The following NCAM1 variants were observed in gnomAD, a reference collection of about 807,000 sequenced individuals.
NCAM1 encodes the protein neural cell adhesion molecule 1.
A neutral mutation model predicts 109.8 loss-of-function variants in NCAM1; 14 were observed. The ratio of observed to expected loss-of-function variants is 0.13; its 90% CI spans 0.08 to 0.20. The LOEUF is 0.20. NCAM1 is among the 10% of genes least tolerant of loss of function. The pLI is 1.00. For missense variants in NCAM1, 774 were observed against 1,109.9 expected, an observed-to-expected ratio of 0.70 and a Z score of 4.30; for synonymous variants, 418 against 442.9, an observed-to-expected ratio of 0.94 and a Z score of 0.70.
At chr11:113,077,498 G>A (rs1306457623) in intron 1 of NCAM1, among the ~76,000 whole-genome samples, 1 of 152,106 alleles carries the variant, frequency 6.6e-6, no homozygotes, top group Non-Finnish European at 1.5e-5. Context: ...AGCCTGCTTT[G>A]TCATGTTCAT....
At position 113,130,573 on chromosome 11, in the gene NCAM1, C is replaced by T. The variant is rs369703094; in HGVS notation, c.53-71806C>T. The T allele has an allele frequency of 2.0e-5, 3 of 152,328 alleles. 1 individual carries two copies. The highest frequency in any genetic ancestry group is 1.9e-4 in the East Asian group (1 of 5,184). 9.4% of individuals were successfully genotyped at this position (152,328 alleles called of 1,614,324 possible). ...TTGGATACAAATAATAGGCTGAATT[C>T]TGCCCAATGACTGGGCTGTAGATAC... On this transcript the variant is annotated intron_variant, in intron 1 of 19. Transcript: ENST00000316851.
chr11:113,183,233 T>A (rs1438344270), intron 1 of NCAM1, among the ~76,000 whole-genome samples: 2 of 152,114 alleles, frequency 1.3e-5, no homozygotes, highest in African/African-American at 4.8e-5. Flanking sequence ...TTTATACTAA[T>A]TCTACAGCTG....
intron 1 of NCAM1, among the ~76,000 whole-genome samples, chr11:113,114,899 C>T (rs1279367342): frequency 2.0e-5 from 3 of 152,092 alleles, no homozygotes; most frequent in Non-Finnish European, 2.9e-5. Flanking sequence ...TAAATTAAGA[C>T]GAGCTCTCCT....
At chr11:113,262,956 AAAGCCC>A in intron 17 of NCAM1, 1 of 1,605,778 alleles carries the variant, frequency 6.2e-7, no homozygotes, top group Non-Finnish European at 8.5e-7. Flanking sequence ...AATTTGCTTA[AAAGCCC>A]AGTTCCTATG....
intron 1 of NCAM1, among the ~76,000 whole-genome samples, chr11:113,138,786 A>G (rs2136181922): frequency 6.6e-6 from 1 of 152,326 alleles, no homozygotes; most frequent in Non-Finnish European, 1.5e-5. Context: ...CACACTTTGG[A>G]AATCTCTGTG....
chr11:113,239,725 G>A (rs370209761), intron 14 of NCAM1, among the ~76,000 whole-genome samples: 8 of 152,134 alleles, frequency 5.3e-5, no homozygotes, highest in African/African-American at 1.9e-4. Flanking sequence ...GCTAAACAAA[G>A]AAAAGAGAGG....
intron 1 of NCAM1, among the ~76,000 whole-genome samples, chr11:113,176,858 C>T (rs1007395385): frequency 6.6e-6 from 1 of 152,142 alleles, no homozygotes; most frequent in East Asian, 1.9e-4. Context: ...AAATACACCA[C>T]TTGTTTCCCA....
intron 19 of NCAM1, among the ~76,000 whole-genome samples, 184 bp from the exon 20 acceptor site, chr11:113,275,083 C>T (rs529375327): frequency 3.3e-5 from 5 of 152,264 alleles, no homozygotes; most frequent in African/African-American, 9.6e-5. Context: ...TCAGGATTTC[C>T]GCGAACACAG....
At chr11:113,189,965 G>A (rs370601640) in intron 1 of NCAM1, among the ~76,000 whole-genome samples, 22 of 151,876 alleles carry the variant, frequency 1.4e-4, no homozygotes, top group South Asian at 2.1e-4. Flanking sequence ...TTTGGATGTA[G>A]CATTATTCTG....
intron 17 of NCAM1, chr11:113,262,850 C>G: frequency 6.2e-7 from 1 of 1,613,824 alleles, no homozygotes; most frequent in South Asian, 1.1e-5. Context: ...CTGCAGCAAC[C>G]TTGGGAGGCA....
At chr11:113,092,489 A>G (rs544520334) in intron 1 of NCAM1, among the ~76,000 whole-genome samples, 6 of 152,274 alleles carry the variant, frequency 3.9e-5, no homozygotes, top group Non-Finnish European at 5.9e-5. Context: ...ACTGAGTCAC[A>G]GGGAGGTTAA....
chr11:113,171,460 C>A (rs550676743), intron 1 of NCAM1, among the ~76,000 whole-genome samples: 2 of 152,162 alleles, frequency 1.3e-5, no homozygotes, highest in South Asian at 4.2e-4. Flanking sequence ...GGCGAAACCC[C>A]GTTTCTACTA....
At chr11:112,996,110 T>C (rs550305740) in intron 1 of NCAM1, among the ~76,000 whole-genome samples, 2 of 152,324 alleles carry the variant, frequency 1.3e-5, no homozygotes, top group South Asian at 4.1e-4. Flanking sequence ...ATATAATTCA[T>C]TTAAATCTCT....
chr11:113,154,605 C>T (rs1449609470), intron 1 of NCAM1, among the ~76,000 whole-genome samples: 1 of 152,122 alleles, frequency 6.6e-6, no homozygotes, highest in Non-Finnish European at 1.5e-5. Flanking sequence ...TATCCATATT[C>T]ATATCCGTGT....
At chr11:113,235,004 C>T (rs895606134) in intron 13 of NCAM1, 29 bp from the exon 14 acceptor site, 15 of 1,535,988 alleles carry the variant, frequency 9.8e-6, no homozygotes, top group Non-Finnish European at 1.3e-5. Context: ...ACAATAGACT[C>T]TTTTGTCATC....
rs188417087 is a variant in NCAM1, at chr11:113,041,741, C to T, written c.52+80077C>T. Among the ~76,000 whole-genome samples the T allele has an allele frequency of 3.8e-4, 58 of 152,262 alleles. No homozygotes were observed. The East Asian group carries it at 9.7e-3, about 25-fold the overall frequency. On this transcript the variant is annotated intron_variant, in intron 1 of 19. Coordinates refer to ENST00000316851, the MANE Select transcript of NCAM1 (RefSeq NM_181351.5). ...TTAAAACAACAACAGCAACATCACC[C>T]TGAACCCCTCCAGGGTGAGGTCTGA...
At chr11:113,168,984 G>GTGCT (rs1942899306) in intron 1 of NCAM1, among the ~76,000 whole-genome samples, 2 of 151,954 alleles carry the variant, frequency 1.3e-5, no homozygotes, top group Admixed American at 6.6e-5. Flanking sequence ...GGATGTAAAT[G>GTGCT]TGCTTGTGTG....
chr11:113,262,983 G>A, intron 17 of NCAM1: 1 of 1,578,892 alleles, frequency 6.3e-7, no homozygotes, highest in South Asian at 1.2e-5. Flanking sequence ...AAAAAGATCA[G>A]TGCCCCCTTT....
intron 9 of NCAM1, among the ~76,000 whole-genome samples, chr11:113,223,834 G>A (rs529093318): frequency 2.0e-4 from 30 of 152,288 alleles, no homozygotes; most frequent in Non-Finnish European, 3.4e-4. Context: ...TGACAAGCAG[G>A]TCAGCACAGC....
Sources: gnomAD v4.1 joint callset for allele counts (sites outside exome capture counted in the v4.1 genomes callset) on GRCh38, gnomAD v4.1.1 for gene constraint, MANE v1.5 for transcripts, NCBI Gene and HGNC (gene_info 2026-07-23, HGNC 2026-07-21) for gene names.